Variants in FAM229B observed in about 807,000 individuals in gnomAD.
FAM229B encodes protein FAM229B.
FAM229B carries 2 observed loss-of-function variants against 6.7 expected under a neutral mutation model. That is an observed-to-expected ratio of 0.30 (90% CI 0.12 to 0.94). The LOEUF is 0.94. Ranked by LOEUF, FAM229B falls within the 40% of genes least tolerant of loss-of-function variation. The pLI is 0.54. For synonymous variants in FAM229B, 29 were observed against 34.0 expected (o/e 0.85, Z 0.51); for missense variants, 93 against 96.2 (o/e 0.97, Z 0.14).
At chr6:112,100,203 C>A (rs1357370688) in intron 3 of FAM229B, among the ~76,000 whole-genome samples, 1 of 152,130 alleles carries the variant, frequency 6.6e-6, no homozygotes, top group East Asian at 1.9e-4. Flanking sequence ...CATTTAAGGG[C>A]CATTTCAAAT....
rs1446675989 is a variant in FAM229B at position 112,102,477 on chromosome 6, T to A, written c.*1690T>A. ...TCCAGCCTAGGCAACAGAGTGAGACTTTGTCTCAAAAAAAAAGAAAAACAA... is the reference window on the plus strand; with the variant it reads ...TCCAGCCTAGGCAACAGAGTGAGACATTGTCTCAAAAAAAAAGAAAAACAA... On this transcript the variant is annotated 3_prime_UTR_variant, in exon 4 of 4. Transcript: ENST00000368656. 3 of 145,500 alleles carry A rather than the reference T, an allele frequency of 2.1e-5. No individual in the cohort carries two copies. The highest frequency in any genetic ancestry group is 4.6e-5 in the Non-Finnish European group (3 of 65,056). 9.0% of individuals were successfully genotyped at this position (145,500 alleles called of 1,614,324 possible).
intron 3 of FAM229B, 143 bp downstream of exon 3, chr6:112,099,551 C>T (rs1777368991): frequency 1.3e-6 from 1 of 741,438 alleles, no homozygotes; most frequent in Non-Finnish European, 2.0e-6. Context: ...TTAACAGAGC[C>T]CAGTTTTCCT....
intron 3 of FAM229B, among the ~76,000 whole-genome samples, chr6:112,100,105 T>C (rs1554319090): frequency 6.6e-6 from 1 of 152,200 alleles, no homozygotes; most frequent in African/African-American, 2.4e-5. Context: ...GAGCTCCCGA[T>C]CTTTAGAAAT....
intron 1 of FAM229B, among the ~76,000 whole-genome samples, chr6:112,094,288 T>C (rs1554318450): frequency 1.3e-5 from 2 of 152,174 alleles, no homozygotes; most frequent in African/African-American, 4.8e-5. Flanking sequence ...AAATTAAAAT[T>C]ATTTGATAGG....
At chr6:112,088,091 G>C (rs915646803) in intron 1 of FAM229B, among the ~76,000 whole-genome samples, 28 of 152,164 alleles carry the variant, frequency 1.8e-4, no homozygotes, top group African/African-American at 6.8e-4. Flanking sequence ...AAGAAATTAA[G>C]GCATAGATCC....
At chr6:112,095,169 A>G (rs1241776113) in intron 1 of FAM229B, among the ~76,000 whole-genome samples, 1 of 152,204 alleles carries the variant, frequency 6.6e-6, no homozygotes, top group Non-Finnish European at 1.5e-5. Flanking sequence ...ATGACACAAA[A>G]ATATGTAGGA....
rs781925981 is a variant in FAM229B at position 112,099,275 on chromosome 6, C to T, written c.-9C>T. ...ATTTTAACTTTCCGATCTAGGTTTTCAGTGAAGTATGCCTTTTCAATTTGG... is the reference window on the plus strand; with the variant it reads ...ATTTTAACTTTCCGATCTAGGTTTTTAGTGAAGTATGCCTTTTCAATTTGG... On this transcript the variant is annotated 5_prime_UTR_variant, in exon 3 of 4. Coordinates refer to ENST00000368656, the MANE Select transcript of FAM229B (RefSeq NM_001033564.3). 1 of 1,606,944 alleles carries T rather than the reference C, an allele frequency of 6.2e-7. No homozygotes were observed. Among genetic ancestry groups the T allele is most frequent in the Non-Finnish European group, 8.5e-7 (1 of 1,177,564 alleles).
intron 1 of FAM229B, among the ~76,000 whole-genome samples, chr6:112,091,955 A>C (rs186868521): frequency 3.2e-4 from 48 of 152,136 alleles, no homozygotes; most frequent in African/African-American, 1.1e-3. Context: ...GGATGGAATA[A>C]AGAGCAGATT....
chr6:112,096,331 C>T (rs587697496), intron 1 of FAM229B, among the ~76,000 whole-genome samples: 10 of 152,102 alleles, frequency 6.6e-5, no homozygotes, highest in South Asian at 6.2e-4. Flanking sequence ...CCGAGGCGGG[C>T]GGATCACGAG....
At position 112,097,083 on chromosome 6, in the gene FAM229B, T is replaced by C. The variant is rs1777336142; in HGVS notation, c.-133T>C. The C allele has an allele frequency of 6.6e-6, 1 of 152,222 alleles. No homozygotes were observed. The highest frequency in any genetic ancestry group is 1.5e-5 in the Non-Finnish European group (1 of 68,038). The allele number at this position is 152,222 out of a possible 1,614,324, so 9.4% of individuals were successfully genotyped here. On this transcript the variant is annotated 5_prime_UTR_variant, in exon 2 of 4. Transcript: ENST00000368656. Reference sequence around the variant, plus strand: ...GAAAGAATCTCCTGATGTCATAATTTCCGGGTGTCACCGGAACATTTGATC... The same window carrying C: ...GAAAGAATCTCCTGATGTCATAATTCCCGGGTGTCACCGGAACATTTGATC...
intron 1 of FAM229B, among the ~76,000 whole-genome samples, chr6:112,088,389 T>C (rs1777208694): frequency 1.3e-5 from 2 of 152,234 alleles, no homozygotes; most frequent in Non-Finnish European, 2.9e-5. Context: ...AGATTTTAAT[T>C]AAGAACTCAA....
At chr6:112,091,086 C>T (rs1462293987) in intron 1 of FAM229B, among the ~76,000 whole-genome samples, 1 of 152,096 alleles carries the variant, frequency 6.6e-6, no homozygotes, top group African/African-American at 2.4e-5. Flanking sequence ...TTTTTAGATT[C>T]CACATCTAAG....
chr6:112,092,750 A>G (rs1777274045), intron 1 of FAM229B, among the ~76,000 whole-genome samples: 1 of 152,052 alleles, frequency 6.6e-6, no homozygotes, highest in Admixed American at 6.5e-5. Context: ...AAAATTATAT[A>G]TAGTGGGAGA....
At chr6:112,092,522 C>T (rs1398227122) in intron 1 of FAM229B, among the ~76,000 whole-genome samples, 7 of 151,836 alleles carry the variant, frequency 4.6e-5, no homozygotes, top group African/African-American at 1.7e-4. Flanking sequence ...TAATTAATCA[C>T]CAACAGACCA....
rs373630506 is a variant in FAM229B at position 112,088,620 on chromosome 6, T to G, written c.-176+900T>G. Among the ~76,000 whole-genome samples the G allele has an allele frequency of 2.0e-5, 3 of 152,208 alleles. No individual in the cohort carries two copies. The South Asian group carries it at 6.2e-4, about 32-fold the overall frequency. On this transcript the variant is annotated intron_variant, in intron 1 of 3. Coordinates refer to ENST00000368656, the MANE Select transcript of FAM229B (RefSeq NM_001033564.3). ...GTAGCCGGTAGGTTTAAAGTTGCAA[T>G]GGATTTTATATCTTTTGGTAATAGG...
intron 2 of FAM229B, among the ~76,000 whole-genome samples, chr6:112,099,019 G>T (rs1777361062): frequency 6.6e-6 from 1 of 152,142 alleles, no homozygotes; most frequent in South Asian, 2.1e-4. Flanking sequence ...CCAAGGGCAG[G>T]CACGTTGTGT....
intron 1 of FAM229B, among the ~76,000 whole-genome samples, chr6:112,093,265 A>G (rs1777281029): frequency 6.6e-6 from 1 of 152,046 alleles, no homozygotes; most frequent in Non-Finnish European, 1.5e-5. Context: ...AAAGTAGACT[A>G]TAGAGCAAAG....
In FAM229B at chr6:112,099,406, C is replaced by G. The variant is rs782383733; in HGVS notation, c.123C>G (p.Thr41=). ...AACNGKEMSP[T]RQLRRCPGSH... is the part of the protein sequence containing the mutation. ...GTAATGGGAAGGAGATGTCACCAAC[C>G]AGGTAAAGTCTTCTGTCCTCACAAG... Residue 41 remains threonine, a splice_region_variant and synonymous_variant, in exon 3 of 4, where the codon ACC becomes ACG. Transcript: ENST00000368656. 5.6e-6 allele frequency: 9 copies of G among 1,612,682 alleles called. No individual in the cohort carries two copies. Among genetic ancestry groups the G allele is most frequent in the South Asian group, 1.1e-5 (1 of 90,800 alleles).
chr6:112,089,846 G>A (rs1554318007), intron 1 of FAM229B, among the ~76,000 whole-genome samples: 2 of 151,802 alleles, frequency 1.3e-5, no homozygotes, highest in Non-Finnish European at 2.9e-5. Context: ...GCAAATGGAG[G>A]AAAAAATGTA....
Sources: gnomAD v4.1 joint callset for allele counts (sites outside exome capture counted in the v4.1 genomes callset) on GRCh38, gnomAD v4.1.1 for gene constraint, MANE v1.5 for transcripts, NCBI Gene and HGNC (gene_info 2026-07-23, HGNC 2026-07-21) for gene names.